The following TBC1D5 variants were observed in gnomAD, a reference collection of about 807,000 sequenced individuals.
TBC1D5 encodes TBC1 domain family, member 5.
Under a neutral mutation model 100.3 loss-of-function variants are expected in TBC1D5, and 75 were observed. The observed-to-expected ratio is 0.75, with a 90% CI of 0.62 to 0.91. The LOEUF (loss-of-function observed/expected upper bound fraction) is 0.91, where lower values mean the gene tolerates loss of function less well. Among genes scored for constraint, TBC1D5 ranks in the 40% least tolerant of loss-of-function variants. The pLI is 0.00. For synonymous variants in TBC1D5, 323 were observed against 325.6 expected (o/e 0.99, Z 0.09); for missense variants, 910 against 942.4 (o/e 0.97, Z 0.45).
chr3:17,249,773 C>A (rs1007313898), intron 16 of TBC1D5, among the ~76,000 whole-genome samples: 2 of 151,864 alleles, frequency 1.3e-5, no homozygotes, highest in Admixed American at 1.3e-4. Context: ...ATAGGGAGGC[C>A]CAAGGAAAGG....
intron 2 of TBC1D5, among the ~76,000 whole-genome samples, chr3:17,615,854 A>T (rs554450277): frequency 1.8e-3 from 281 of 151,994 alleles, no homozygotes; most frequent in Non-Finnish European, 3.2e-3. Flanking sequence ...GATTCATTGC[A>T]TTTTTTGAAG....
intron 1 of TBC1D5, among the ~76,000 whole-genome samples, chr3:17,657,155 A>G (rs1246973860): frequency 1.3e-5 from 2 of 151,846 alleles, no homozygotes; most frequent in Non-Finnish European, 2.9e-5. Context: ...CAAACAAAAA[A>G]CCTGGAGCAT....
chr3:17,574,986 A>C (rs1215002639), intron 2 of TBC1D5, among the ~76,000 whole-genome samples: 1 of 151,830 alleles, frequency 6.6e-6, no homozygotes, highest in Non-Finnish European at 1.5e-5. Context: ...AACACAAAAC[A>C]CCCTAGGTTG....
At chr3:17,585,886 T>C (rs1385686079) in intron 2 of TBC1D5, among the ~76,000 whole-genome samples, 3 of 152,148 alleles carry the variant, frequency 2.0e-5, no homozygotes, top group Non-Finnish European at 4.4e-5. Context: ...AGGAAAAAAA[T>C]TGTGAATGTT....
chr3:17,506,924 G>C (rs573024169), intron 3 of TBC1D5, among the ~76,000 whole-genome samples: 5 of 152,286 alleles, frequency 3.3e-5, no homozygotes, highest in Admixed American at 6.5e-5. Flanking sequence ...GCTGAGGCAG[G>C]AGAATGGCGT....
chr3:17,626,879 G>A (rs1029434091), intron 1 of TBC1D5, among the ~76,000 whole-genome samples: 16 of 152,114 alleles, frequency 1.1e-4, no homozygotes, highest in Non-Finnish European at 1.8e-4. Context: ...AAATTTATGA[G>A]AGAACCTCAA....
At chr3:17,170,895 T>C (rs1329958600) in intron 19 of TBC1D5, among the ~76,000 whole-genome samples, 1 of 152,232 alleles carries the variant, frequency 6.6e-6, no homozygotes, top group African/African-American at 2.4e-5. Context: ...AGAGACTGAA[T>C]TGCCTTTAAC....
At chr3:17,200,411 A>G (rs753901910) in intron 18 of TBC1D5, among the ~76,000 whole-genome samples, 4 of 152,258 alleles carry the variant, frequency 2.6e-5, no homozygotes, top group Non-Finnish European at 5.9e-5. Context: ...TCAGATCAGC[A>G]GCAGCATTAG....
intron 12 of TBC1D5, among the ~76,000 whole-genome samples, chr3:17,374,077 C>T (rs1384990190): frequency 2.6e-5 from 4 of 151,840 alleles, no homozygotes; most frequent in Non-Finnish European, 5.9e-5. Context: ...GATATTGATG[C>T]TAAATGTATG....
intron 13 of TBC1D5, among the ~76,000 whole-genome samples, chr3:17,317,972 C>A (rs898081552): frequency 1.2e-4 from 18 of 152,054 alleles, no homozygotes; most frequent in Middle Eastern, 3.4e-3. Context: ...GACTTGGAAC[C>A]AACCCAAATG....
intron 1 of TBC1D5, among the ~76,000 whole-genome samples, chr3:17,650,430 C>A (rs2065435069): frequency 6.6e-6 from 1 of 151,992 alleles, no homozygotes; most frequent in Non-Finnish European, 1.5e-5. Flanking sequence ...CATGGACAGG[C>A]CTCTGCCTAA....
intron 2 of TBC1D5, among the ~76,000 whole-genome samples, chr3:17,557,884 G>A (rs1173181334): frequency 1.3e-5 from 2 of 152,032 alleles, no homozygotes; most frequent in Non-Finnish European, 2.9e-5. Context: ...AACAAAACAG[G>A]GGTATACTGA....
chr3:17,546,849 C>T (rs2096421070), intron 2 of TBC1D5, among the ~76,000 whole-genome samples: 1 of 151,826 alleles, frequency 6.6e-6, no homozygotes, highest in Admixed American at 6.6e-5. Flanking sequence ...TCCTCTATTA[C>T]ATTCCAAGTA....
chr3:17,271,222 T>C (rs1167657142), intron 15 of TBC1D5, among the ~76,000 whole-genome samples: 1 of 152,176 alleles, frequency 6.6e-6, no homozygotes, highest in Non-Finnish European at 1.5e-5. Context: ...GACATTTTAA[T>C]GGTATTAATT....
intron 13 of TBC1D5, among the ~76,000 whole-genome samples, chr3:17,370,898 G>T (rs1185197747): frequency 1.3e-5 from 2 of 152,118 alleles, no homozygotes; most frequent in Non-Finnish European, 2.9e-5. Flanking sequence ...CTAATGGAGA[G>T]TCAAGCTTTA....
intron 15 of TBC1D5, among the ~76,000 whole-genome samples, chr3:17,273,367 A>G (rs1004803080): frequency 5.9e-5 from 9 of 152,048 alleles, no homozygotes; most frequent in African/African-American, 2.2e-4. Context: ...ACATTCTCTC[A>G]ACTACCATTA....
In TBC1D5 at chr3:17,232,130, T is replaced by G. The variant is rs2075474612; in HGVS notation, c.1588+6033A>C. On this transcript the variant is annotated intron_variant, in intron 17 of 21. Coordinates refer to ENST00000253692, the Ensembl canonical transcript of TBC1D5. Reference sequence around the variant, plus strand: ...GGTATTTGAACAAAACAATATAACCTCCCTCTTTGAAGTTCTAGTTAAACA... The same window carrying G: ...GGTATTTGAACAAAACAATATAACCGCCCTCTTTGAAGTTCTAGTTAAACA... Among the ~76,000 whole-genome samples, 3 of 152,124 alleles carry G rather than the reference T, an allele frequency of 2.0e-5. No homozygotes were observed. The South Asian group carries it at 6.2e-4, about 31-fold the overall frequency.
At chr3:17,273,068 TA>T (rs987402763) in intron 15 of TBC1D5, among the ~76,000 whole-genome samples, 7 of 152,206 alleles carry the variant, frequency 4.6e-5, no homozygotes, top group Non-Finnish European at 8.8e-5. Flanking sequence ...AAGAGCACTT[TA>T]ATTTCCCCTT....
At chr3:17,455,278 G>T (rs1268289791) in intron 3 of TBC1D5, among the ~76,000 whole-genome samples, 3 of 144,812 alleles carry the variant, frequency 2.1e-5, no homozygotes, top group African/African-American at 7.6e-5. Flanking sequence ...ACATATATGT[G>T]TGTATATATG....
Sources: allele counts gnomAD v4.1 joint callset (sites outside exome capture counted in the v4.1 genomes callset), GRCh38; gene constraint gnomAD v4.1.1; transcripts MANE v1.5; gene names NCBI Gene and HGNC (gene_info 2026-07-23, HGNC 2026-07-21).